Variants in AGTPBP1 observed in about 807,000 individuals in gnomAD.
The protein encoded by AGTPBP1 is ATP/GTP binding carboxypeptidase 1, also known as cytosolic carboxypeptidase 1.
Under a neutral mutation model 143.9 loss-of-function variants are expected in AGTPBP1, and 70 were observed. The observed-to-expected ratio is 0.49, with a 90% CI of 0.40 to 0.59. AGTPBP1 has a LOEUF of 0.59. Ranked by LOEUF, AGTPBP1 falls within the 20% of genes least tolerant of loss-of-function variation. AGTPBP1 has a pLI of 0.00. For synonymous variants in AGTPBP1, 463 were observed against 500.2 expected, an observed-to-expected ratio of 0.93 and a Z score of 0.99; for missense variants, 1,229 against 1,464.5, an observed-to-expected ratio of 0.84 and a Z score of 2.62.
the AGTPBP1 span, among the ~76,000 whole-genome samples, chr9:85,773,510 T>C: frequency 6.6e-6 from 1 of 150,950 alleles, no homozygotes; most frequent in East Asian, 2.0e-4. Flanking sequence ...ATTTTATATA[T>C]ATTTTTTAGT....
chr9:85,630,954 T>C (rs1298567833), intron 14 of AGTPBP1, among the ~76,000 whole-genome samples: 1 of 151,854 alleles, frequency 6.6e-6, no homozygotes, highest in Non-Finnish European at 1.5e-5. Context: ...AGGAAGGGAG[T>C]AGGCAACAGG....
At chr9:85,555,427 C>T (rs932058734) in intron 25 of AGTPBP1, among the ~76,000 whole-genome samples, 1 of 151,996 alleles carries the variant, frequency 6.6e-6, no homozygotes, top group African/African-American at 2.4e-5. Context: ...GTGAAACCCC[C>T]GTCTCTATTA....
At chr9:85,549,590 T>G (rs1357819726) in intron 25 of AGTPBP1, among the ~76,000 whole-genome samples, 2 of 152,192 alleles carry the variant, frequency 1.3e-5, no homozygotes, top group African/African-American at 4.8e-5. Flanking sequence ...AAGCCTAGTC[T>G]TATAAGCTGA....
Position 85,633,063 on chromosome 9 carries a change from T to C in AGTPBP1, c.1614A>G (p.Thr538=), listed in dbSNP as rs1217490854. ...CTGTTTGAGAAGGAATATTCTGCAA[T>C]GTAATTCGGTCCAAGGCCTTTACAA... is the stretch of plus-strand genomic sequence containing the variant. The part of the protein sequence containing the change: ...NDIVKALDRI[T]LQNIPSQTAP... The change falls in exon 14 of 26, where the codon ACA becomes ACG. Residue 538 remains threonine (T), a synonymous_variant. Transcript: ENST00000357081. 5.0e-6 allele frequency: 8 copies of C among 1,614,202 alleles called. No individual in the cohort carries two copies. The highest frequency in any genetic ancestry group is 4.4e-5 in the South Asian group (4 of 91,090).
intron 3 of AGTPBP1, among the ~76,000 whole-genome samples, chr9:85,683,448 T>C (rs966093940): frequency 1.3e-5 from 2 of 152,160 alleles, no homozygotes; most frequent in African/African-American, 4.8e-5. Context: ...TTCACTTCCA[T>C]GAAGGGTAAA....
At chr9:85,601,098 C>T (rs1015820334) in intron 17 of AGTPBP1, among the ~76,000 whole-genome samples, 6 of 152,258 alleles carry the variant, frequency 3.9e-5, no homozygotes, top group Admixed American at 6.5e-5. Context: ...AAACAGGCTC[C>T]CAGGTCCCCA....
intron 3 of AGTPBP1, among the ~76,000 whole-genome samples, chr9:85,683,211 T>C (rs1470606616): frequency 1.3e-5 from 2 of 152,070 alleles, no homozygotes; most frequent in African/African-American, 4.8e-5. Context: ...GAGAGTAAAA[T>C]TAAATTTCTC....
At chr9:85,770,371 C>T in the AGTPBP1 span, 1 of 1,605,600 alleles carries the variant, frequency 6.2e-7, no homozygotes, top group Admixed American at 1.7e-5. Context: ...CCAGAATTGC[C>T]AGAAGTCACT....
chr9:85,623,082 G>A (rs1831045403), intron 14 of AGTPBP1, among the ~76,000 whole-genome samples: 1 of 152,138 alleles, frequency 6.6e-6, no homozygotes, highest in Admixed American at 6.5e-5. Flanking sequence ...GCCCGACAGG[G>A]GCCAGCAGGT....
chr9:85,799,052 A>T, the AGTPBP1 span, among the ~76,000 whole-genome samples: 6 of 151,990 alleles, frequency 3.9e-5, no homozygotes, highest in African/African-American at 1.5e-4. Context: ...TCATTGTTCA[A>T]TTCCCATCTA....
the AGTPBP1 span, among the ~76,000 whole-genome samples, chr9:85,798,587 C>T: frequency 3.3e-5 from 5 of 151,906 alleles, no homozygotes; most frequent in African/African-American, 4.8e-5. Context: ...AGGCTGGTCT[C>T]GAACTCCTGA....
the AGTPBP1 span, among the ~76,000 whole-genome samples, chr9:85,757,070 C>A: frequency 6.6e-6 from 1 of 151,848 alleles, no homozygotes; most frequent in Non-Finnish European, 1.5e-5. Context: ...ATATGAAAAA[C>A]CATTGAATTA....
At chr9:85,772,354 T>C in the AGTPBP1 span, among the ~76,000 whole-genome samples, 2 of 152,238 alleles carry the variant, frequency 1.3e-5, no homozygotes, top group African/African-American at 4.8e-5. Context: ...TTAATGATTA[T>C]TTTTCTGGAG....
upstream of AGTPBP1, among the ~76,000 whole-genome samples, chr9:85,744,320 T>C (rs1170442539): frequency 1.3e-5 from 2 of 152,242 alleles, no homozygotes; most frequent in African/African-American, 4.8e-5. Flanking sequence ...TCACTCACTA[T>C]GTAGTTAATA....
intron 3 of AGTPBP1, among the ~76,000 whole-genome samples, chr9:85,691,997 T>C (rs1835906930): frequency 6.6e-6 from 1 of 152,168 alleles, no homozygotes; most frequent in African/African-American, 2.4e-5. Flanking sequence ...TTATACATCT[T>C]AGAAATTCAA....
intron 2 of AGTPBP1, among the ~76,000 whole-genome samples, chr9:85,695,812 T>C (rs900032338): frequency 2.2e-4 from 33 of 152,080 alleles, no homozygotes; most frequent in Non-Finnish European, 2.4e-4. Flanking sequence ...CAGACTGGGA[T>C]ATTTTGCCAG....
intron 14 of AGTPBP1, among the ~76,000 whole-genome samples, chr9:85,629,438 T>C (rs1831516168): frequency 6.6e-6 from 1 of 152,128 alleles, no homozygotes; most frequent in Non-Finnish European, 1.5e-5. Context: ...AATTCCTCCA[T>C]CATCAGGATA....
chr9:85,800,909 C>A, the AGTPBP1 span, among the ~76,000 whole-genome samples: 2 of 151,878 alleles, frequency 1.3e-5, no homozygotes, highest in Admixed American at 6.6e-5. Flanking sequence ...CATGGTACAT[C>A]ATTTCCCAAG....
At chr9:85,742,294 G>C (rs1249235478), upstream of AGTPBP1, among the ~76,000 whole-genome samples, 2 of 152,138 alleles carry the variant, frequency 1.3e-5, no homozygotes, top group African/African-American at 4.8e-5. Context: ...CGTTCTTCAA[G>C]TCATCTTTCT....
Sources: allele counts gnomAD v4.1 joint callset (sites outside exome capture counted in the v4.1 genomes callset), GRCh38; gene constraint gnomAD v4.1.1; transcripts MANE v1.5; gene names NCBI Gene and HGNC (gene_info 2026-07-23, HGNC 2026-07-21).